Variants in FAT3 observed in about 807,000 individuals in gnomAD.
FAT3 encodes FAT atypical cadherin 3, also known as protocadherin Fat 3.
Under a neutral mutation model 310.2 loss-of-function variants are expected in FAT3, and 95 were observed. That is an observed-to-expected ratio of 0.31 (90% CI 0.26 to 0.36). The LOEUF (loss-of-function observed/expected upper bound fraction) is 0.36. FAT3 is among the 10% of genes least tolerant of loss of function. FAT3 has a pLI of 1.00. For synonymous variants in FAT3, 2,314 were observed against 2,192.9 expected, an observed-to-expected ratio of 1.06 and a Z score of -1.54; for missense variants, 5,408 against 5,715.6, an observed-to-expected ratio of 0.95 and a Z score of 1.74.
intron 1 of FAT3, among the ~76,000 whole-genome samples, chr11:92,251,889 GAT>G (rs1273438059): frequency 2.6e-5 from 4 of 152,140 alleles, no homozygotes; most frequent in Non-Finnish European, 5.9e-5. Flanking sequence ...AGTTACCGAT[GAT>G]CCAGAAAGGC....
At position 92,293,512 on chromosome 11, in the gene FAT3, T is replaced by TTATATA. The variant is rs1195340265; in HGVS notation, c.-17-58549_-17-58544dup. ...TTTCAATTTGAAGCAGAACCTCAGA[T>TTATATA]TATATATATATATATATATATATAT... On this transcript the variant is annotated intron_variant, in intron 1 of 27. Coordinates refer to ENST00000525166, the MANE Select transcript of FAT3 (RefSeq NM_001367949.2). Among the ~76,000 whole-genome samples, 470 of 67,684 alleles carry TTATATA rather than the reference T, an allele frequency of 6.9e-3. 2 individuals carry two copies. Among genetic ancestry groups the TTATATA allele is most frequent in the East Asian group, 0.014 (34 of 2,518 alleles). 44.4% of individuals were successfully genotyped at this position (67,684 alleles called of 152,430 possible). A position where few individuals can be genotyped will look rare whatever the true frequency, so the allele number is the denominator to read the frequency against.
intron 2 of FAT3, among the ~76,000 whole-genome samples, chr11:92,505,862 A>G (rs908524096): frequency 6.6e-6 from 1 of 152,126 alleles, no homozygotes; most frequent in Non-Finnish European, 1.5e-5. Flanking sequence ...ATGTGCAATA[A>G]CTGTCAGGCA....
At chr11:92,706,912 T>A (rs994909098) in intron 4 of FAT3, among the ~76,000 whole-genome samples, 9 of 152,212 alleles carry the variant, frequency 5.9e-5, no homozygotes, top group Non-Finnish European at 1.2e-4. Flanking sequence ...CACAGGCATT[T>A]CTATCTGAGC....
At chr11:92,401,383 A>C (rs556885574) in intron 2 of FAT3, among the ~76,000 whole-genome samples, 1 of 152,248 alleles carries the variant, frequency 6.6e-6, no homozygotes, top group African/African-American at 2.4e-5. Flanking sequence ...CTCTCTAACA[A>C]AGACCTCATC....
chr11:92,392,080 G>A (rs1318781985), intron 2 of FAT3, among the ~76,000 whole-genome samples: 2 of 152,008 alleles, frequency 1.3e-5, no homozygotes, highest in African/African-American at 4.8e-5. Flanking sequence ...AGCCAGGTCT[G>A]TGCTGGTTTA....
chr11:92,858,318 C>G (rs1321064408), intron 20 of FAT3, among the ~76,000 whole-genome samples: 2 of 152,202 alleles, frequency 1.3e-5, no homozygotes, highest in Admixed American at 6.5e-5. Context: ...TCTCCTGTTT[C>G]TACATATGCA....
intron 2 of FAT3, among the ~76,000 whole-genome samples, chr11:92,476,719 A>G (rs539713261): frequency 6.6e-6 from 1 of 152,232 alleles, no homozygotes; most frequent in African/African-American, 2.4e-5. Flanking sequence ...GAAAGAAATC[A>G]ACATGGAGAG....
At chr11:92,755,215 T>TTTTGTTTGTTTG (rs71305390) in intron 4 of FAT3, among the ~76,000 whole-genome samples, 9,757 of 151,392 alleles carry the variant, frequency 0.064, 737 homozygotes, top group East Asian at 0.19. Context: ...AGAGAGTAGT[T>TTTTGTTTGTTTG]TTTGTTTGTT....
intron 18 of FAT3, among the ~76,000 whole-genome samples, chr11:92,842,666 G>C (rs1948581710): frequency 6.6e-6 from 1 of 152,140 alleles, no homozygotes; most frequent in Non-Finnish European, 1.5e-5. Context: ...GTGCTCAAGA[G>C]TTCAAGACCA....
chr11:92,425,170 T>C (rs1950604241), intron 2 of FAT3, among the ~76,000 whole-genome samples: 1 of 150,110 alleles, frequency 6.7e-6, no homozygotes, highest in Non-Finnish European at 1.5e-5. Flanking sequence ...AGTGAACAGC[T>C]CTGTGAATGA....
chr11:92,347,700 A>G (rs930352119), intron 1 of FAT3, among the ~76,000 whole-genome samples: 2 of 152,202 alleles, frequency 1.3e-5, no homozygotes, highest in African/African-American at 4.8e-5. Flanking sequence ...GCAGAAGGGC[A>G]GGATGGGGAG....
intron 1 of FAT3, among the ~76,000 whole-genome samples, chr11:92,287,369 T>C (rs139500677): frequency 2.0e-5 from 3 of 152,242 alleles, no homozygotes; most frequent in African/African-American, 7.2e-5. Context: ...TGGTTTGGAG[T>C]GAAAACCTGC....
intron 1 of FAT3, among the ~76,000 whole-genome samples, chr11:92,345,248 C>G (rs1013574701): frequency 6.6e-6 from 1 of 152,010 alleles, no homozygotes; most frequent in Admixed American, 6.6e-5. Flanking sequence ...AAAATTGATT[C>G]AATTTTTACC....
chr11:92,454,249 A>G (rs1951440338), intron 2 of FAT3, among the ~76,000 whole-genome samples: 1 of 152,204 alleles, frequency 6.6e-6, no homozygotes, highest in South Asian at 2.1e-4. Flanking sequence ...GGGATGATGC[A>G]GGTCCAGAGT....
At chr11:92,295,487 G>A (rs1292555749) in intron 1 of FAT3, among the ~76,000 whole-genome samples, 2 of 152,104 alleles carry the variant, frequency 1.3e-5, no homozygotes, top group East Asian at 3.9e-4. Flanking sequence ...ACTGAATTAT[G>A]GATGCAGGGT....
chr11:92,384,863 C>T (rs1591205714), intron 2 of FAT3, among the ~76,000 whole-genome samples: 1 of 152,250 alleles, frequency 6.6e-6, no homozygotes, highest in East Asian at 1.9e-4. Context: ...GCAAGCTTAT[C>T]TGTAAATTTA....
chr11:92,881,287 A>C (rs1949665485), intron 23 of FAT3, among the ~76,000 whole-genome samples: 1 of 152,184 alleles, frequency 6.6e-6, no homozygotes, highest in Non-Finnish European at 1.5e-5. Flanking sequence ...AGATACTGAA[A>C]CTTACCTTCC....
intron 1 of FAT3, among the ~76,000 whole-genome samples, chr11:92,298,630 A>G (rs1202380): frequency 1.3e-5 from 2 of 151,916 alleles, no homozygotes; most frequent in African/African-American, 4.8e-5. Flanking sequence ...CTGAGTGGAA[A>G]GTCACCTTTC....
chr11:92,306,492 A>G (rs1947120282), intron 1 of FAT3, among the ~76,000 whole-genome samples: 1 of 132,124 alleles, frequency 7.6e-6, no homozygotes, highest in Non-Finnish European at 1.5e-5. Flanking sequence ...ATATATATTT[A>G]TATTATATAT....
Sources: allele counts gnomAD v4.1 joint callset (sites outside exome capture counted in the v4.1 genomes callset), GRCh38; gene constraint gnomAD v4.1.1; transcripts MANE v1.5; gene names NCBI Gene and HGNC (gene_info 2026-07-23, HGNC 2026-07-21).